The following CDYL variants were observed in gnomAD, a reference collection of about 807,000 sequenced individuals.
CDYL encodes chromodomain Y-like protein.
Under a neutral mutation model 47.3 loss-of-function variants are expected in CDYL, and 8 were observed. That is an observed-to-expected ratio of 0.17 (90% CI 0.10 to 0.31). The LOEUF (loss-of-function observed/expected upper bound fraction) is 0.31. CDYL is among the 10% of genes least tolerant of loss of function. The probability of loss-of-function intolerance (pLI) is 1.00; values close to 1 mark genes in which losing one functional copy is unlikely to be tolerated. For synonymous variants in CDYL, 266 were observed against 265.0 expected (o/e 1.00, Z -0.04); for missense variants, 471 against 701.4 (o/e 0.67, Z 3.71).
chr6:4,948,215 G>A (rs1346588154), intron 5 of CDYL, among the ~76,000 whole-genome samples: 2 of 152,170 alleles, frequency 1.3e-5, no homozygotes, highest in East Asian at 3.8e-4. Context: ...CCCTCCCACT[G>A]TATGATCTAT....
chr6:4,724,895 T>C (rs547840328), intron 2 of CDYL: 1 of 152,320 alleles, frequency 6.6e-6, no homozygotes, highest in African/African-American at 2.4e-5. Context: ...CGCTGCTGGC[T>C]CGGGCAGCCT....
In CDYL at chr6:4,859,317, T is replaced by C. The variant is rs529743879; in HGVS notation, c.25-32396T>C. Among the ~76,000 whole-genome samples the C allele has an allele frequency of 1.3e-3, 204 of 152,220 alleles. 4 individuals carry two copies. The highest frequency in any genetic ancestry group is 0.01 in the Middle Eastern group (3 of 294). ...GCTTCTACTTGTAGTCTTTTTTTTT[T>C]CCAGTAATGGTCATTGCGGATTACT... On this transcript the variant is annotated intron_variant, in intron 1 of 6. Transcript: ENST00000397588.
At chr6:4,726,814 A>G (rs1386894945) in intron 2 of CDYL, among the ~76,000 whole-genome samples, 1 of 152,154 alleles carries the variant, frequency 6.6e-6, no homozygotes, top group Non-Finnish European at 1.5e-5. Context: ...TGTCTCATGA[A>G]AAGACAAGTC....
At chr6:4,931,511 C>T (rs1384973357) in intron 2 of CDYL, among the ~76,000 whole-genome samples, 1 of 152,132 alleles carries the variant, frequency 6.6e-6, no homozygotes, top group Non-Finnish European at 1.5e-5. Context: ...GGGCACAACC[C>T]TGGGTGACAT....
At chr6:4,856,251 A>G (rs973063471) in intron 1 of CDYL, among the ~76,000 whole-genome samples, 2 of 152,194 alleles carry the variant, frequency 1.3e-5, no homozygotes, top group Non-Finnish European at 2.9e-5. Context: ...AATAAAGCAG[A>G]GAGTGGGGTA....
intron 2 of CDYL, chr6:4,724,537 G>C (rs916033404): frequency 6.6e-6 from 1 of 152,310 alleles, no homozygotes; most frequent in Non-Finnish European, 1.5e-5. Flanking sequence ...CTCGCTCTGA[G>C]TGTCACAGTT....
At chr6:4,946,706 T>C (rs1758529855) in intron 5 of CDYL, among the ~76,000 whole-genome samples, 1 of 81,348 alleles carries the variant, frequency 1.2e-5, no homozygotes, top group African/African-American at 2.9e-5. Flanking sequence ...CTCGTGGTGG[T>C]CACTCCCCAC....
chr6:4,822,544 T>C (rs1759871349), intron 1 of CDYL, among the ~76,000 whole-genome samples: 2 of 152,184 alleles, frequency 1.3e-5, no homozygotes, highest in Non-Finnish European at 2.9e-5. Context: ...TTTGGTTGAA[T>C]ACCAATAATT....
intron 1 of CDYL, among the ~76,000 whole-genome samples, chr6:4,839,047 AGT>A (rs1199367337): frequency 2.0e-4 from 31 of 152,116 alleles, no homozygotes; most frequent in African/African-American, 6.8e-4. Flanking sequence ...TCCTGCCAGC[AGT>A]GTGTTTCCTT....
Position 4,730,450 on chromosome 6 carries a change from G to A in CDYL, c.104-4312G>A, listed in dbSNP as rs1272392987. Among the ~76,000 whole-genome samples the A allele has an allele frequency of 5.9e-5, 9 of 152,172 alleles. No homozygotes were observed. The South Asian group carries it at 6.2e-4, about 11-fold the overall frequency. On this transcript the variant is annotated intron_variant, in intron 2 of 8. Coordinates refer to the CDYL transcript ENST00000328908. ...CCAGCACTTTGGGAGGCTGAGGCGA[G>A]CAGATCACAAGGTCAGGAGTTCAAG... is the stretch of plus-strand genomic sequence containing the variant.
chr6:4,912,218 G>A (rs990979773), intron 2 of CDYL, among the ~76,000 whole-genome samples: 3 of 92,742 alleles, frequency 3.2e-5, no homozygotes, highest in African/African-American at 8.1e-5. Flanking sequence ...CCTTTCACCT[G>A]TTTCCAAGTT....
intron 2 of CDYL, among the ~76,000 whole-genome samples, chr6:4,723,591 G>A (rs1338479009): frequency 6.6e-6 from 1 of 152,054 alleles, no homozygotes; most frequent in Non-Finnish European, 1.5e-5. Flanking sequence ...AGCAGGAGGC[G>A]GCAAGCCCTC....
chr6:4,843,992 A>G (rs527907151), intron 1 of CDYL, among the ~76,000 whole-genome samples: 6 of 152,262 alleles, frequency 3.9e-5, no homozygotes, highest in African/African-American at 1.4e-4. Flanking sequence ...AAAGGCTGCT[A>G]TTCAGATTCT....
chr6:4,790,804 A>G (rs1403110683), intron 1 of CDYL, among the ~76,000 whole-genome samples: 1 of 152,242 alleles, frequency 6.6e-6, no homozygotes, highest in African/African-American at 2.4e-5. Flanking sequence ...TATTTAATGC[A>G]TCATCATGGA....
intron 1 of CDYL, among the ~76,000 whole-genome samples, chr6:4,833,340 C>G (rs1398169522): frequency 2.0e-5 from 3 of 151,282 alleles, no homozygotes; most frequent in African/African-American, 7.4e-5. Context: ...CCCCAGTAGT[C>G]ATTCAGGAGC....
intron 2 of CDYL, among the ~76,000 whole-genome samples, chr6:4,927,704 G>A (rs1375977422): frequency 1.3e-5 from 2 of 152,136 alleles, no homozygotes; most frequent in African/African-American, 4.8e-5. Context: ...CCAGGCGTGA[G>A]CCAACACACC....
intron 1 of CDYL, among the ~76,000 whole-genome samples, chr6:4,810,800 C>T (rs1157582999): frequency 6.6e-6 from 1 of 152,156 alleles, no homozygotes; most frequent in Non-Finnish European, 1.5e-5. Context: ...ATCAGGGCAC[C>T]AATCCCATTC....
intron 1 of CDYL, among the ~76,000 whole-genome samples, chr6:4,851,887 G>A (rs558895253): frequency 6.6e-6 from 1 of 152,268 alleles, no homozygotes; most frequent in South Asian, 2.1e-4. Context: ...TCAAATAAGT[G>A]GGGGTGATAA....
chr6:4,803,979 C>CTTTT (rs202116997), intron 1 of CDYL, among the ~76,000 whole-genome samples: 2,899 of 133,064 alleles, frequency 0.022, 64 homozygotes, highest in East Asian at 0.074. Flanking sequence ...GCGTAGCGTG[C>CTTTT]TTTTTTTTTT....
Sources: gnomAD v4.1 joint callset for allele counts (sites outside exome capture counted in the v4.1 genomes callset) on GRCh38, gnomAD v4.1.1 for gene constraint, MANE v1.5 for transcripts, NCBI Gene and HGNC (gene_info 2026-07-23, HGNC 2026-07-21) for gene names.